KLHL1: variants seen among roughly 807,000 people sequenced by gnomAD.
KLHL1 encodes the protein kelch like family member 1.
A neutral mutation model predicts 77.7 loss-of-function variants in KLHL1; 47 were observed. The ratio of observed to expected loss-of-function variants is 0.60; its 90% CI spans 0.48 to 0.77. The LOEUF (loss-of-function observed/expected upper bound fraction) is 0.77, where lower values mean the gene tolerates loss of function less well. Ranked by LOEUF, KLHL1 falls within the 30% of genes least tolerant of loss-of-function variation. The probability of loss-of-function intolerance (pLI) is 0.00; values close to 1 mark genes in which losing one functional copy is unlikely to be tolerated. For missense variants in KLHL1, 925 were observed against 910.8 expected (o/e 1.02, Z -0.20); for synonymous variants, 360 against 325.2 (o/e 1.11, Z -1.15).
chr13:69,718,494 A>G lies in KLHL1; in HGVS notation c.2015+875T>C, dbSNP rs1171108098. ...AGGAAAAAAAGCATCATGGTATTAA[A>G]CCACTGAGAGTTTTAAAGTTATTTG... On this transcript the variant is annotated intron_variant, in intron 9 of 10. Coordinates refer to ENST00000377844, the MANE Select transcript of KLHL1 (RefSeq NM_020866.3). 2.6e-5 allele frequency among the ~76,000 whole-genome samples: 4 copies of G among 152,162 alleles called. No individual in the cohort carries two copies. The East Asian group carries it at 7.7e-4, about 29-fold the overall frequency.
At chr13:70,105,655 T>C (rs1019020909) in intron 1 of KLHL1, among the ~76,000 whole-genome samples, 3 of 151,338 alleles carry the variant, frequency 2.0e-5, no homozygotes, top group Admixed American at 2.0e-4. Flanking sequence ...AAAGTGTTTA[T>C]ATTTACTCAA....
At chr13:69,818,967 G>T (rs1878233001) in intron 6 of KLHL1, among the ~76,000 whole-genome samples, 2 of 152,040 alleles carry the variant, frequency 1.3e-5, no homozygotes, top group African/African-American at 4.8e-5. Flanking sequence ...AATTGCAAAC[G>T]GTCAGGTTTC....
intron 6 of KLHL1, among the ~76,000 whole-genome samples, chr13:69,831,096 A>C (rs117819325): frequency 0.033 from 4,887 of 149,880 alleles, 264 homozygotes; most frequent in Non-Finnish European, 0.047. Context: ...AAAAATAACA[A>C]AGATCAGAGC....
chr13:69,966,603 TTTC>T (rs1240777915), intron 2 of KLHL1, among the ~76,000 whole-genome samples: 1 of 152,124 alleles, frequency 6.6e-6, no homozygotes, highest in Non-Finnish European at 1.5e-5. Context: ...TTTCATTTCT[TTTC>T]TTTTTTCCTT....
rs1027075176 is a variant in KLHL1 at position 70,076,804 on chromosome 13, A to T, written c.497+30399T>A. Among the ~76,000 whole-genome samples the T allele has an allele frequency of 4.6e-5, 7 of 151,962 alleles. 1 individual carries two copies. The highest frequency in any genetic ancestry group is 1.5e-4 in the African/African-American group (6 of 41,374). ...AAACACAACAATGAGAAAAAGAAAC[A>T]ACTCAGTTAAAAAGTTAACAAAAGA... On this transcript the variant is annotated intron_variant, in intron 1 of 10. Coordinates refer to ENST00000377844, the MANE Select transcript of KLHL1 (RefSeq NM_020866.3).
intron 1 of KLHL1, among the ~76,000 whole-genome samples, chr13:70,088,718 CA>C (rs1216166346): frequency 6.6e-6 from 1 of 151,888 alleles, no homozygotes; most frequent in East Asian, 1.9e-4. Flanking sequence ...AAATAAAAAA[CA>C]ATTTGAAATG....
In KLHL1 at chr13:69,996,042, C is replaced by T. The variant is rs182222412; in HGVS notation, c.498-20240G>A. 1.5e-3 allele frequency among the ~76,000 whole-genome samples: 222 copies of T among 152,220 alleles called. 1 individual carries two copies. Among genetic ancestry groups the T allele is most frequent in the African/African-American group, 4.7e-3 (197 of 41,532 alleles). On this transcript the variant is annotated intron_variant, in intron 1 of 10. Coordinates refer to ENST00000377844, the MANE Select transcript of KLHL1 (RefSeq NM_020866.3). ...GAAATAGGCCTGACGTGGTAGCTCACGCCTGTAATCCCAGCACTTTGGGAG... is the reference window on the plus strand; with the variant it reads ...GAAATAGGCCTGACGTGGTAGCTCATGCCTGTAATCCCAGCACTTTGGGAG...
chr13:69,940,087 C>T lies in KLHL1; in HGVS notation c.967G>A (p.Ala323Thr), dbSNP rs142899951. 3 of 1,612,350 alleles carry T rather than the reference C, an allele frequency of 1.9e-6. No homozygotes were observed. In the African/African-American group the frequency reaches 4.0e-5, roughly 22 times the overall value. ...TTCATTAACTCAATGCATCCTTGAG[C>T]ATCTGCGAAGGCTCGAATTCCTAAA... is the stretch of plus-strand genomic sequence containing the variant. ...NCLGIRAFADAQGCIELMKVA... is the reference protein window; with the variant it reads ...NCLGIRAFADTQGCIELMKVA... Residue 323 changes from alanine (A) to threonine (T), a missense_variant, in exon 4 of 11, where the codon GCT becomes ACT. Transcript: ENST00000377844.
At chr13:69,862,261 T>C (rs902896736) in intron 5 of KLHL1, among the ~76,000 whole-genome samples, 6 of 150,532 alleles carry the variant, frequency 4.0e-5, no homozygotes, top group African/African-American at 1.5e-4. Context: ...TAAATGTATG[T>C]AATTATACTG....
chr13:69,723,644 C>T (rs1367894954), intron 8 of KLHL1, among the ~76,000 whole-genome samples: 1 of 151,962 alleles, frequency 6.6e-6, no homozygotes, highest in Admixed American at 6.6e-5. Context: ...GTTGGACATA[C>T]CTCATTAAAC....
At chr13:69,784,499 G>A (rs1876406239) in intron 7 of KLHL1, among the ~76,000 whole-genome samples, 1 of 151,938 alleles carries the variant, frequency 6.6e-6, no homozygotes, top group Admixed American at 6.6e-5. Context: ...GATCTACCAA[G>A]CAAATGGAAA....
At position 69,967,281 on chromosome 13, in the gene KLHL1, C is replaced by A. The variant is rs183055394; in HGVS notation, c.681-5837G>T. Among the ~76,000 whole-genome samples, 1,143 of 152,194 alleles carry A rather than the reference C, an allele frequency of 7.5e-3. 7 individuals carry two copies. Among genetic ancestry groups the A allele is most frequent in the Non-Finnish European group, 0.014 (943 of 67,998 alleles). On this transcript the variant is annotated intron_variant, in intron 2 of 10. Transcript: ENST00000377844. ...TCTCCTACATACCATTAAGTACATT[C>A]ATAAGTCATGGGAGGAAGTAAAAAT... is the stretch of plus-strand genomic sequence containing the variant.
intron 3 of KLHL1, among the ~76,000 whole-genome samples, chr13:69,960,164 T>C (rs534601345): frequency 8.3e-4 from 125 of 150,570 alleles, no homozygotes; most frequent in African/African-American, 2.8e-3. Context: ...ATCTTAGTGT[T>C]AGCAAATCCT....
intron 7 of KLHL1, among the ~76,000 whole-genome samples, chr13:69,780,733 CATATATAT>C (rs1217018845): frequency 7.1e-4 from 30 of 42,096 alleles, no homozygotes; most frequent in East Asian, 2.0e-3. Flanking sequence ...TATATATATA[CATATATAT>C]ATACATATAT....
chr13:69,984,807 A>C (rs911655874), intron 1 of KLHL1, among the ~76,000 whole-genome samples: 3 of 152,060 alleles, frequency 2.0e-5, no homozygotes, highest in African/African-American at 7.2e-5. Context: ...GGTTTATATC[A>C]ACCTAAAAAC....
chr13:70,086,609 AGAAAG>A (rs1887548646), intron 1 of KLHL1, among the ~76,000 whole-genome samples: 2 of 95,918 alleles, frequency 2.1e-5, no homozygotes, highest in Admixed American at 1.2e-4. Context: ...AAAGAAAGAA[AGAAAG>A]AAAGAAAGAA....
At chr13:69,774,737 A>G (rs1337939226) in intron 7 of KLHL1, among the ~76,000 whole-genome samples, 1 of 152,126 alleles carries the variant, frequency 6.6e-6, no homozygotes, top group African/African-American at 2.4e-5. Flanking sequence ...AAATAATGCA[A>G]TAATATTTTC....
intron 6 of KLHL1, among the ~76,000 whole-genome samples, chr13:69,813,481 T>TACACACACACACACACAC (rs141973704): frequency 6.8e-6 from 1 of 146,270 alleles, no homozygotes; most frequent in African/African-American, 2.5e-5. Context: ...TACACACACA[T>TACACACACACACACACAC]ACACACACAC....
At chr13:69,800,029 C>A (rs543252673) in intron 6 of KLHL1, among the ~76,000 whole-genome samples, 80 of 152,234 alleles carry the variant, frequency 5.3e-4, no homozygotes, top group African/African-American at 1.8e-3. Context: ...TGAAACCAAC[C>A]CCCACTCTCC....
Sources: allele counts gnomAD v4.1 joint callset (sites outside exome capture counted in the v4.1 genomes callset), GRCh38; gene constraint gnomAD v4.1.1; transcripts MANE v1.5; gene names NCBI Gene and HGNC (gene_info 2026-07-23, HGNC 2026-07-21).